PPCDC: variants seen among roughly 807,000 people sequenced by gnomAD.
PPCDC encodes the protein phosphopantothenoylcysteine decarboxylase.
Under a neutral mutation model 20.7 loss-of-function variants are expected in PPCDC, and 20 were observed. The ratio of observed to expected loss-of-function variants is 0.97; its 90% CI spans 0.68 to 1.41. PPCDC has a LOEUF of 1.41. PPCDC is among the 40% of genes most tolerant of loss of function. The pLI, the probability that PPCDC is intolerant of heterozygous loss-of-function variation, is 0.00. For synonymous variants in PPCDC, 88 were observed against 100.3 expected (o/e 0.88, Z 0.73); for missense variants, 246 against 263.8 (o/e 0.93, Z 0.47).
rs570362351 is a variant in PPCDC at position 75,043,646 on chromosome 15, A to G, written c.231+110A>G. 5.0e-6 allele frequency: 5 copies of G among 1,003,412 alleles called. No individual in the cohort carries two copies. In the East Asian group the frequency reaches 1.1e-4, roughly 21 times the overall value. The allele number at this position is 1,003,412 out of a possible 1,614,324, so 62.2% of individuals were successfully genotyped here. On this transcript the variant is annotated intron_variant, in intron 3 of 5. Transcript: ENST00000342932. ...AGCTGGAACAGACAGGCTGGGCTCA[A>G]GTCTGTGGTCAGGGCCCTCTGGGCA...
intron 1 of PPCDC, among the ~76,000 whole-genome samples, chr15:75,027,610 C>T (rs538979054): frequency 7.9e-4 from 121 of 152,264 alleles, no homozygotes; most frequent in Admixed American, 1.8e-3. Flanking sequence ...CCCTTCCTGC[C>T]GCTTCCTTTC....
intron 2 of PPCDC, among the ~76,000 whole-genome samples, chr15:75,042,937 C>T (rs1226054687): frequency 6.6e-6 from 1 of 152,254 alleles, no homozygotes; most frequent in African/African-American, 2.4e-5. Flanking sequence ...GGGATACTGT[C>T]TGCTTTCTCT....
chr15:75,041,302 A>G (rs2066150173), intron 2 of PPCDC, among the ~76,000 whole-genome samples: 1 of 152,072 alleles, frequency 6.6e-6, no homozygotes, highest in African/African-American at 2.4e-5. Context: ...GGGCCATCCT[A>G]GGGAGACTCC....
chr15:75,044,448 G>C lies in PPCDC; in HGVS notation c.294G>C (p.Leu98=). The change falls in exon 4 of 6, where the codon CTG becomes CTC. Residue 98 remains leucine, a synonymous_variant. Transcript: ENST00000342932. ...HIDLRRWADL[L]LVAPLDANTL... The stretch of plus-strand genomic sequence containing the variant: ...ACCTGCGGAGGTGGGCAGACCTCCT[G>C]CTGGTGGCTCCTCTTGATGCCAACA... 3 of 1,614,180 alleles carry C rather than the reference G, an allele frequency of 1.9e-6. No individual in the cohort carries two copies. The highest frequency in any genetic ancestry group is 2.5e-6 in the Non-Finnish European group (3 of 1,180,014).
Position 75,044,473 on chromosome 15 carries a change from A to G in PPCDC, c.319A>G (p.Thr107Ala). 6.2e-7 allele frequency: 1 copy of G among 1,613,976 alleles called. No individual in the cohort carries two copies. Among genetic ancestry groups the G allele is most frequent in the Non-Finnish European group, 8.5e-7 (1 of 1,179,960 alleles). ...LLLVAPLDAN[T>A]LGKVASGICD... ...GCTGGTGGCTCCTCTTGATGCCAAC[A>G]CTCTGGGGAAGGTGGCCAGTGGCAT... Residue 107 changes from threonine to alanine, a missense_variant, in exon 4 of 6, where the codon ACT (threonine) becomes GCT (alanine). Coordinates refer to ENST00000342932, the MANE Select transcript of PPCDC (RefSeq NM_021823.5).
rs530380010 is a variant in PPCDC, at chr15:75,048,777, G to A, written c.529+56G>A. 5.1e-6 allele frequency: 8 copies of A among 1,574,760 alleles called. No individual in the cohort carries two copies. The East Asian group carries it at 1.8e-4, about 35-fold the overall frequency. ...GCTGTAGAAGGGGCTCAGCTTTGGG[G>A]TCATATCTCAGTTCAGTTCCTGGCC... On this transcript the variant is annotated intron_variant, in intron 5 of 5. Coordinates refer to ENST00000342932, the MANE Select transcript of PPCDC (RefSeq NM_021823.5).
intron 2 of PPCDC, among the ~76,000 whole-genome samples, chr15:75,029,112 GC>G (rs1450410176): frequency 2.0e-5 from 3 of 152,092 alleles, no homozygotes; most frequent in Admixed American, 6.5e-5. Context: ...ACAGGGAGTG[GC>G]CCCACTTCCT....
intron 2 of PPCDC, among the ~76,000 whole-genome samples, chr15:75,034,487 C>T (rs958946141): frequency 6.6e-5 from 10 of 152,126 alleles, no homozygotes; most frequent in Admixed American, 2.6e-4. Context: ...CTGAGCCAAC[C>T]GGAACTCCCT....
At chr15:75,024,376 C>T (rs2141469532) in intron 1 of PPCDC, among the ~76,000 whole-genome samples, 1 of 152,118 alleles carries the variant, frequency 6.6e-6, no homozygotes, top group African/African-American at 2.4e-5. Context: ...GAGACAAGGT[C>T]TCATTCTGTG....
rs1272332529 is a variant in PPCDC at position 75,049,424 on chromosome 15, A to T, written c.*189A>T. The T allele has an allele frequency of 1.6e-6, 1 of 609,374 alleles. No homozygotes were observed. The allele number at this position is 609,374 out of a possible 1,614,324, so 37.7% of individuals were successfully genotyped here. A position where few individuals can be genotyped will look rare whatever the true frequency, so the allele number is the denominator to read the frequency against. On this transcript the variant is annotated 3_prime_UTR_variant, in exon 6 of 6. Coordinates refer to ENST00000342932, the MANE Select transcript of PPCDC (RefSeq NM_021823.5). Reference sequence around the variant, plus strand: ...AAGGCCCAGGTCTCAGTTTCTTTCAACCAGGAGAGGCCGCTGCCTAGAGCC... The same window carrying T: ...AAGGCCCAGGTCTCAGTTTCTTTCATCCAGGAGAGGCCGCTGCCTAGAGCC...
chr15:75,038,540 T>C (rs1181139382), intron 2 of PPCDC, among the ~76,000 whole-genome samples: 16 of 152,194 alleles, frequency 1.1e-4, no homozygotes, highest in Admixed American at 9.8e-4. Context: ...AATAATTTTT[T>C]TGAGTTTTTG....
At chr15:75,028,921 T>C (rs8028632) in intron 2 of PPCDC, among the ~76,000 whole-genome samples, 48,401 of 152,028 alleles carry the variant, frequency 0.32, 9,035 homozygotes, top group East Asian at 0.62. Context: ...AACCCCATTG[T>C]CTGAAGCTCT....
At position 75,027,606 on chromosome 15, in the gene PPCDC, C is replaced by A. The variant is rs1441567467; in HGVS notation, c.-72-641C>A. On this transcript the variant is annotated intron_variant, in intron 1 of 5. Coordinates refer to ENST00000342932, the MANE Select transcript of PPCDC (RefSeq NM_021823.5). ...GAGCATCTTTGGAACCCATCCCTTCCTGCCGCTTCCTTTCACCAGTCAGCC... is the reference window on the plus strand; with the variant it reads ...GAGCATCTTTGGAACCCATCCCTTCATGCCGCTTCCTTTCACCAGTCAGCC... 3.3e-5 allele frequency among the ~76,000 whole-genome samples: 5 copies of A among 152,194 alleles called. No homozygotes were observed. In the East Asian group the frequency reaches 9.6e-4, roughly 29 times the overall value.
At position 75,049,883 on chromosome 15, in the gene PPCDC, A is replaced by G. The variant is rs1438871316; in HGVS notation, c.*648A>G. 6.6e-6 allele frequency: 1 copy of G among 152,302 alleles called. No individual in the cohort carries two copies. The highest frequency in any genetic ancestry group is 2.1e-4 in the South Asian group (1 of 4,830). 9.4% of individuals were successfully genotyped at this position (152,302 alleles called of 1,614,324 possible). A position where few individuals can be genotyped will look rare whatever the true frequency, so the allele number is the denominator to read the frequency against. ...TATAACATGGTGGTTAAGGATAAAG[A>G]TCTGAAGCCAGACAGCCCCTAGTTC... is the stretch of plus-strand genomic sequence containing the variant. On this transcript the variant is annotated 3_prime_UTR_variant, in exon 6 of 6. Transcript: ENST00000342932.
At chr15:75,040,712 T>G (rs2066142770) in intron 2 of PPCDC, among the ~76,000 whole-genome samples, 1 of 152,230 alleles carries the variant, frequency 6.6e-6, no homozygotes, top group Non-Finnish European at 1.5e-5. Flanking sequence ...CAGGCTGGAG[T>G]GCAGTAACTT....
chr15:75,031,889 T>C lies in PPCDC; in HGVS notation c.135+3436T>C, dbSNP rs145299436. On this transcript the variant is annotated intron_variant, in intron 2 of 5. Coordinates refer to ENST00000342932, the MANE Select transcript of PPCDC (RefSeq NM_021823.5). ...CTGGGGGTGGTGGCGACACAAGTTA[T>C]GGGAGGGTGAGGGGAGGAATTATAC... Among the ~76,000 whole-genome samples, 887 of 151,678 alleles carry C rather than the reference T, an allele frequency of 5.8e-3. 9 individuals carry two copies. Among genetic ancestry groups the C allele is most frequent in the African/African-American group, 0.02 (817 of 41,300 alleles).
At position 75,044,418 on chromosome 15, in the gene PPCDC, C is replaced by T; in HGVS notation, c.264C>T (p.His88=). ...AGAGCCGCTCTGACCCAGTTCTGCA[C>T]ATTGACCTGCGGAGGTGGGCAGACC... ...IWKSRSDPVL[H]IDLRRWADLL... The change falls in exon 4 of 6, where the codon CAC becomes CAT. Residue 88 remains histidine, a synonymous_variant. Transcript: ENST00000342932. The T allele has an allele frequency of 1.2e-6, 2 of 1,614,128 alleles. No homozygotes were observed. The highest frequency in any genetic ancestry group is 8.5e-7 in the Non-Finnish European group (1 of 1,179,988).
intron 1 of PPCDC, among the ~76,000 whole-genome samples, chr15:75,024,318 AT>A (rs2065937182): frequency 1.3e-5 from 2 of 151,708 alleles, no homozygotes; most frequent in African/African-American, 4.8e-5. Flanking sequence ...TGTTAGATAC[AT>A]TTATCCCTCA....
At chr15:75,047,093 G>A (rs1044806902) in intron 4 of PPCDC, among the ~76,000 whole-genome samples, 2 of 152,240 alleles carry the variant, frequency 1.3e-5, no homozygotes, top group Non-Finnish European at 2.9e-5. Context: ...AGTAGCTGAG[G>A]CTTGTCTGAG....
Sources: allele counts gnomAD v4.1 joint callset (sites outside exome capture counted in the v4.1 genomes callset), GRCh38; gene constraint gnomAD v4.1.1; transcripts MANE v1.5; gene names NCBI Gene and HGNC (gene_info 2026-07-23, HGNC 2026-07-21).